The following CENPP variants were observed in gnomAD, a reference collection of about 807,000 sequenced individuals.
CENPP encodes centromere protein P.
A neutral mutation model predicts 35.6 loss-of-function variants in CENPP; 24 were observed. The observed-to-expected ratio is 0.67, with a 90% CI of 0.49 to 0.95. CENPP has a LOEUF of 0.95. CENPP is among the 40% of genes least tolerant of loss of function. The pLI, the probability that CENPP is intolerant of heterozygous loss-of-function variation, is 0.00. For synonymous variants in CENPP, 120 were observed against 125.5 expected, an observed-to-expected ratio of 0.96 and a Z score of 0.29; for missense variants, 332 against 345.3, an observed-to-expected ratio of 0.96 and a Z score of 0.31.
intron 4 of CENPP, among the ~76,000 whole-genome samples, chr9:92,363,228 CAT>C (rs1033922989): frequency 8.3e-4 from 35 of 42,344 alleles, no homozygotes; most frequent in East Asian, 6.0e-3. Context: ...TGTATTTATA[CAT>C]ATATACACAC....
At chr9:92,563,965 T>G (rs753259084) in intron 5 of CENPP, among the ~76,000 whole-genome samples, 17 of 152,190 alleles carry the variant, frequency 1.1e-4, no homozygotes, top group Non-Finnish European at 2.2e-4. Flanking sequence ...AGGGGGGAAT[T>G]ATTTCTTTGT....
At chr9:92,425,903 G>A (rs933260070) in intron 5 of CENPP, among the ~76,000 whole-genome samples, 38 of 152,088 alleles carry the variant, frequency 2.5e-4, no homozygotes, top group African/African-American at 9.2e-4. Flanking sequence ...TTGTTTTATA[G>A]GCCTTCACAG....
chr9:92,400,550 T>C (rs1399377595), intron 5 of CENPP, among the ~76,000 whole-genome samples: 1 of 152,242 alleles, frequency 6.6e-6, no homozygotes, highest in Non-Finnish European at 1.5e-5. Flanking sequence ...ATTTTAGAAA[T>C]ATAGAAATTA....
At chr9:92,331,812 A>T (rs1840756235) in intron 1 of CENPP, among the ~76,000 whole-genome samples, 1 of 152,090 alleles carries the variant, frequency 6.6e-6, no homozygotes, top group Admixed American at 6.6e-5. Flanking sequence ...AGGAAAAAAA[A>T]ATTAGCTAGG....
At chr9:92,393,156 CT>C (rs760671412) in intron 5 of CENPP, 3 of 1,613,670 alleles carry the variant, frequency 1.9e-6, no homozygotes, top group Non-Finnish European at 2.5e-6. Flanking sequence ...AGGCTGATTC[CT>C]TTGGTAAGGG....
chr9:92,497,568 G>A (rs1008978986), intron 5 of CENPP, among the ~76,000 whole-genome samples: 7 of 150,836 alleles, frequency 4.6e-5, no homozygotes, highest in East Asian at 1.9e-4. Flanking sequence ...AGGTTGCAGT[G>A]AGCTGAGATC....
At chr9:92,541,327 A>G (rs1434868416) in intron 5 of CENPP, among the ~76,000 whole-genome samples, 1 of 151,966 alleles carries the variant, frequency 6.6e-6, no homozygotes, top group Non-Finnish European at 1.5e-5. Context: ...AAAACATTGT[A>G]CCCTTTGACT....
intron 5 of CENPP, chr9:92,417,548 A>C: frequency 6.4e-7 from 1 of 1,565,832 alleles, no homozygotes; most frequent in Non-Finnish European, 8.6e-7. Flanking sequence ...TATTGGACTT[A>C]AAAAACCCAT....
At chr9:92,492,173 T>A (rs1166880329) in intron 5 of CENPP, among the ~76,000 whole-genome samples, 2 of 152,262 alleles carry the variant, frequency 1.3e-5, no homozygotes, top group Non-Finnish European at 2.9e-5. Context: ...TGAAGCACTA[T>A]GCCTAACACA....
chr9:92,334,517 T>G (rs1240828562), intron 2 of CENPP, among the ~76,000 whole-genome samples: 2 of 152,144 alleles, frequency 1.3e-5, no homozygotes, highest in African/African-American at 4.8e-5. Context: ...GTATGGATGG[T>G]TTTGAAGGAC....
chr9:92,547,005 C>T (rs1414069861), intron 5 of CENPP, among the ~76,000 whole-genome samples: 1 of 152,134 alleles, frequency 6.6e-6, no homozygotes, highest in Non-Finnish European at 1.5e-5. Context: ...AGGTCAGTCT[C>T]ACTAATGAAC....
rs966044779 is a variant in CENPP, at chr9:92,496,014, GTGTT to G, written c.565-115298_565-115295del. ...AGTATTCAAGTTGATTATAAAGGCT[GTGTT>G]TATTTTGTTCCAGACTCTTCTGGTC... On this transcript the variant is annotated intron_variant, in intron 5 of 7. Transcript: ENST00000375587. 4.0e-6 allele frequency: 4 copies of G among 1,006,596 alleles called. No homozygotes were observed. In the African/African-American group the frequency reaches 6.9e-5, roughly 17 times the overall value. The allele number at this position is 1,006,596 out of a possible 1,614,324, so 62.4% of individuals were successfully genotyped here. A position where few individuals can be genotyped will look rare whatever the true frequency, so the allele number is the denominator to read the frequency against.
At chr9:92,374,820 G>T (rs1842088916) in intron 4 of CENPP, among the ~76,000 whole-genome samples, 1 of 152,154 alleles carries the variant, frequency 6.6e-6, no homozygotes, top group Admixed American at 6.5e-5. Context: ...TTCAGTTACT[G>T]TCCAGTGTTT....
intron 5 of CENPP, among the ~76,000 whole-genome samples, chr9:92,382,492 CTCTCCCAAAAGT>C (rs1235738097): frequency 6.6e-6 from 1 of 152,094 alleles, no homozygotes; most frequent in Non-Finnish European, 1.5e-5. Flanking sequence ...TTTAACAAAT[CTCTCCCAAAAGT>C]TTTAAATTTT....
intron 5 of CENPP, among the ~76,000 whole-genome samples, chr9:92,606,994 A>T (rs534987354): frequency 2.6e-5 from 4 of 152,200 alleles, no homozygotes; most frequent in Admixed American, 1.3e-4. Flanking sequence ...ATAATTTTTT[A>T]AAAAATCAAA....
intron 4 of CENPP, among the ~76,000 whole-genome samples, chr9:92,374,745 AATACAGTG>A (rs1344027633): frequency 6.6e-6 from 1 of 152,250 alleles, no homozygotes. Flanking sequence ...TATTAATAAA[AATACAGTG>A]ATACTTTCTT....
chr9:92,542,102 T>C (rs865776410), intron 5 of CENPP, among the ~76,000 whole-genome samples: 7 of 152,262 alleles, frequency 4.6e-5, no homozygotes, highest in African/African-American at 1.7e-4. Context: ...TGTGATTTTA[T>C]TTCCTTTGAG....
chr9:92,436,843 T>C (rs1844256440), intron 5 of CENPP, among the ~76,000 whole-genome samples: 1 of 152,220 alleles, frequency 6.6e-6, no homozygotes, highest in African/African-American at 2.4e-5. Flanking sequence ...TTTTTCAGAA[T>C]TGTTTTGGCT....
chr9:92,556,576 A>G (rs1308977207), intron 5 of CENPP, among the ~76,000 whole-genome samples: 1 of 152,204 alleles, frequency 6.6e-6, no homozygotes, highest in East Asian at 1.9e-4. Flanking sequence ...GCCTTTTACC[A>G]TTATATAATG....
Sources: allele counts gnomAD v4.1 joint callset (sites outside exome capture counted in the v4.1 genomes callset), GRCh38; gene constraint gnomAD v4.1.1; transcripts MANE v1.5; gene names NCBI Gene and HGNC (gene_info 2026-07-23, HGNC 2026-07-21).